The following LARGE1 variants were observed in gnomAD, a reference collection of about 807,000 sequenced individuals.
LARGE1 encodes xylosyl- and glucuronyltransferase LARGE1.
LARGE1 carries 43 observed loss-of-function variants against 87.6 expected under a neutral mutation model. The observed-to-expected ratio is 0.49, with a 90% CI of 0.38 to 0.63. LARGE1 has a LOEUF of 0.63. Among genes scored for constraint, LARGE1 ranks in the 30% least tolerant of loss-of-function variants. LARGE1 has a pLI of 0.00. For synonymous variants in LARGE1, 434 were observed against 394.6 expected, an observed-to-expected ratio of 1.10 and a Z score of -1.18; for missense variants, 802 against 1,000.2, an observed-to-expected ratio of 0.80 and a Z score of 2.67.
chr22:33,392,881 T>C (rs972857129), intron 7 of LARGE1, among the ~76,000 whole-genome samples: 1 of 152,194 alleles, frequency 6.6e-6, no homozygotes, highest in African/African-American at 2.4e-5. Flanking sequence ...TGAAATGTAC[T>C]GGACAACTTG....
intron 6 of LARGE1, among the ~76,000 whole-genome samples, chr22:33,479,449 T>C (rs1022907448): frequency 6.6e-6 from 1 of 152,178 alleles, no homozygotes; most frequent in Non-Finnish European, 1.5e-5. Flanking sequence ...CTCAATTCCA[T>C]GGGAAGATAA....
At chr22:33,361,742 G>GAGTCCCTCCTCTTTAA (rs2064394760) in intron 9 of LARGE1, among the ~76,000 whole-genome samples, 1 of 149,542 alleles carries the variant, frequency 6.7e-6, no homozygotes, top group Non-Finnish European at 1.5e-5. Context: ...CTCCTCTTTA[G>GAGTCCCTCCTCTTTAA]AGTCCCTCCT....
intron 1 of LARGE1, among the ~76,000 whole-genome samples, chr22:33,781,558 G>A (rs1263885255): frequency 3.3e-5 from 5 of 152,158 alleles, no homozygotes; most frequent in Admixed American, 3.3e-4. Context: ...AGGAAAGAAT[G>A]CAGACAGCAG....
rs182831705 is a variant in LARGE1 at position 33,775,005 on chromosome 22, T to C, written c.-82-13447A>G. On this transcript the variant is annotated intron_variant, in intron 1 of 14. Coordinates refer to ENST00000397394, the MANE Select transcript of LARGE1 (RefSeq NM_133642.5). ...CAGCAGGAGTTAGTGGCAGCAGAAC[T>C]ATAGAGAACCGGATTTAACTGGATG... is the stretch of plus-strand genomic sequence containing the variant. Among the ~76,000 whole-genome samples, 791 of 152,272 alleles carry C rather than the reference T, an allele frequency of 5.2e-3. 4 individuals carry two copies. The highest frequency in any genetic ancestry group is 8.9e-3 in the Non-Finnish European group (607 of 68,026).
chr22:33,523,253 C>G (rs1220208552), intron 6 of LARGE1, among the ~76,000 whole-genome samples: 1 of 152,006 alleles, frequency 6.6e-6, no homozygotes, highest in Non-Finnish European at 1.5e-5. Flanking sequence ...ATCCGCCCAC[C>G]TTGACCTCCC....
chr22:33,857,971 G>A (rs1004840120), intron 1 of LARGE1, among the ~76,000 whole-genome samples: 1 of 152,196 alleles, frequency 6.6e-6, no homozygotes, highest in Non-Finnish European at 1.5e-5. Flanking sequence ...ATGGCGGCCG[G>A]TCGCTTCCAA....
chr22:33,182,706 CA>C (rs754446282), intron 11 of LARGE1, among the ~76,000 whole-genome samples: 3 of 152,146 alleles, frequency 2.0e-5, no homozygotes, highest in Non-Finnish European at 4.4e-5. Flanking sequence ...ACAGAATACA[CA>C]GTGAGGGAAC....
At chr22:33,922,712 A>G (rs2065979635), upstream of LARGE1, 1 of 152,236 alleles carries the variant, frequency 6.6e-6, no homozygotes, top group Admixed American at 6.5e-5. Context: ...ACATTATATG[A>G]AAAAATACTA....
chr22:33,706,443 T>G (rs1429802708), intron 2 of LARGE1, among the ~76,000 whole-genome samples: 4 of 152,128 alleles, frequency 2.6e-5, no homozygotes, highest in Admixed American at 6.5e-5. Context: ...TATCCTGGTA[T>G]AAGGGGTGAG....
chr22:33,467,856 C>A (rs1358825402), intron 6 of LARGE1, among the ~76,000 whole-genome samples: 2 of 152,182 alleles, frequency 1.3e-5, no homozygotes, highest in Non-Finnish European at 2.9e-5. Flanking sequence ...CTTGGCTCTT[C>A]AGCCCCATCT....
intron 6 of LARGE1, among the ~76,000 whole-genome samples, chr22:33,467,928 T>C (rs1486891740): frequency 6.6e-6 from 1 of 152,150 alleles, no homozygotes; most frequent in Non-Finnish European, 1.5e-5. Flanking sequence ...TGACCAAGCT[T>C]CTCTCCTGTC....
chr22:33,272,365 T>C (rs1313290512), downstream of LARGE1, among the ~76,000 whole-genome samples: 1 of 152,188 alleles, frequency 6.6e-6, no homozygotes, highest in African/African-American at 2.4e-5. Context: ...GATATGCTGC[T>C]GGTAAATATT....
intron 6 of LARGE1, among the ~76,000 whole-genome samples, chr22:33,512,510 A>T (rs1027581404): frequency 6.6e-6 from 1 of 152,224 alleles, no homozygotes; most frequent in African/African-American, 2.4e-5. Flanking sequence ...GTAACTAATC[A>T]AATAATGGTG....
intron 1 of LARGE1, among the ~76,000 whole-genome samples, chr22:33,770,009 T>C (rs998134840): frequency 2.0e-5 from 3 of 152,244 alleles, no homozygotes; most frequent in African/African-American, 4.8e-5. Flanking sequence ...ACGATTTCCA[T>C]TTAATATCAA....
At chr22:33,701,345 G>A (rs1050492107) in intron 2 of LARGE1, among the ~76,000 whole-genome samples, 39 of 152,166 alleles carry the variant, frequency 2.6e-4, no homozygotes, top group African/African-American at 8.7e-4. Context: ...AGATGAAAAG[G>A]AGGTTGCTGG....
chr22:33,305,030 T>G (rs983554399), intron 11 of LARGE1, among the ~76,000 whole-genome samples: 6 of 152,150 alleles, frequency 3.9e-5, no homozygotes, highest in African/African-American at 2.4e-5. Flanking sequence ...CTCAATAACC[T>G]TGAGCACTAG....
chr22:33,625,892 A>C (rs240590), intron 4 of LARGE1, among the ~76,000 whole-genome samples: 2 of 151,978 alleles, frequency 1.3e-5, no homozygotes, highest in Non-Finnish European at 2.9e-5. Context: ...ATTGTGGTGG[A>C]CATAACTCAA....
chr22:33,903,189 CTAT>C (rs2065334534), intron 1 of LARGE1, among the ~76,000 whole-genome samples: 1 of 152,188 alleles, frequency 6.6e-6, no homozygotes, highest in Non-Finnish European at 1.5e-5. Context: ...CCCTAATCTA[CTAT>C]GACTGATGTC....
intron 11 of LARGE1, among the ~76,000 whole-genome samples, chr22:33,311,316 A>G (rs1260481200): frequency 6.6e-6 from 1 of 152,186 alleles, no homozygotes; most frequent in Non-Finnish European, 1.5e-5. Flanking sequence ...GATGGATCCC[A>G]CTGGCAATAG....
Sources: allele counts gnomAD v4.1 joint callset (sites outside exome capture counted in the v4.1 genomes callset), GRCh38; gene constraint gnomAD v4.1.1; transcripts MANE v1.5; gene names NCBI Gene and HGNC (gene_info 2026-07-23, HGNC 2026-07-21).